The following ARHGAP24 variants were observed in gnomAD, a reference collection of about 807,000 sequenced individuals.
ARHGAP24 encodes rho GTPase-activating protein 24.
Under a neutral mutation model 76.4 loss-of-function variants are expected in ARHGAP24, and 50 were observed. The ratio of observed to expected loss-of-function variants is 0.65; its 90% CI spans 0.52 to 0.83. ARHGAP24 has a LOEUF of 0.83. Among genes scored for constraint, ARHGAP24 ranks in the 40% least tolerant of loss-of-function variants. The pLI is 0.00. For missense variants in ARHGAP24, 930 were observed against 914.2 expected (o/e 1.02, Z -0.22); for synonymous variants, 345 against 323.3 (o/e 1.07, Z -0.72).
At chr4:85,609,872 A>G (rs899967871) in intron 2 of ARHGAP24, among the ~76,000 whole-genome samples, 3 of 152,238 alleles carry the variant, frequency 2.0e-5, no homozygotes, top group African/African-American at 7.2e-5. Context: ...ACTTTGAAAT[A>G]TATGATGAAA....
intron 3 of ARHGAP24, among the ~76,000 whole-genome samples, chr4:85,761,194 G>C (rs2110073069): frequency 6.6e-6 from 1 of 152,246 alleles, no homozygotes; most frequent in South Asian, 2.1e-4. Context: ...GAGATAGCTG[G>C]AGTTCTTCCT....
intron 1 of ARHGAP24, among the ~76,000 whole-genome samples, chr4:85,561,790 T>C (rs1726610396): frequency 6.6e-6 from 1 of 152,162 alleles, no homozygotes; most frequent in African/African-American, 2.4e-5. Context: ...CTCTGCTCAA[T>C]ACACTGGTTA....
At chr4:85,713,968 C>G (rs185709520) in intron 2 of ARHGAP24, among the ~76,000 whole-genome samples, 1 of 152,262 alleles carries the variant, frequency 6.6e-6, no homozygotes, top group Admixed American at 6.5e-5. Flanking sequence ...TTCTAGGTCT[C>G]TTACAATTTT....
chr4:85,978,542 G>A (rs1739466342), intron 8 of ARHGAP24, among the ~76,000 whole-genome samples: 1 of 151,982 alleles, frequency 6.6e-6, no homozygotes, highest in African/African-American at 2.4e-5. Flanking sequence ...TCAGATTTTT[G>A]GCAATGAGAT....
At chr4:85,511,708 AC>A (rs567561417) in intron 1 of ARHGAP24, among the ~76,000 whole-genome samples, 189 of 151,700 alleles carry the variant, frequency 1.2e-3, no homozygotes, top group African/African-American at 3.7e-3. Context: ...CAGGTGATCC[AC>A]CCGCCTCGGC....
chr4:85,682,641 A>G (rs965708707), intron 2 of ARHGAP24, among the ~76,000 whole-genome samples: 1 of 152,236 alleles, frequency 6.6e-6, no homozygotes, highest in Non-Finnish European at 1.5e-5. Context: ...AAAAGATCAT[A>G]GTTAAAGTTG....
At chr4:85,855,959 TA>T (rs1731534532) in intron 3 of ARHGAP24, among the ~76,000 whole-genome samples, 2 of 152,284 alleles carry the variant, frequency 1.3e-5, no homozygotes, top group African/African-American at 4.8e-5. Context: ...CTATTATGGC[TA>T]AAACTACTAT....
intron 3 of ARHGAP24, among the ~76,000 whole-genome samples, chr4:85,850,225 T>C (rs145817739): frequency 0.057 from 8,705 of 152,254 alleles, 512 homozygotes; most frequent in South Asian, 0.25. Context: ...GATTTTCTAG[T>C]TTATTTGCGT....
intron 3 of ARHGAP24, among the ~76,000 whole-genome samples, chr4:85,830,119 C>T (rs1343938506): frequency 6.6e-6 from 1 of 152,236 alleles, no homozygotes; most frequent in East Asian, 1.9e-4. Flanking sequence ...CTTAAACTCC[C>T]TAACACATTG....
intron 2 of ARHGAP24, among the ~76,000 whole-genome samples, chr4:85,688,055 C>T (rs192904466): frequency 2.0e-5 from 3 of 152,200 alleles, no homozygotes; most frequent in East Asian, 3.9e-4. Flanking sequence ...TTAGATAATC[C>T]GCCCGCCTTG....
At chr4:85,577,913 C>T (rs1560539393) in intron 2 of ARHGAP24, among the ~76,000 whole-genome samples, 1 of 151,986 alleles carries the variant, frequency 6.6e-6, no homozygotes, top group Non-Finnish European at 1.5e-5. Context: ...TATTCCCATA[C>T]CTAAGAAAGA....
intron 2 of ARHGAP24, among the ~76,000 whole-genome samples, chr4:85,702,525 A>G (rs1048796274): frequency 1.3e-5 from 2 of 152,206 alleles, no homozygotes; most frequent in Non-Finnish European, 2.9e-5. Flanking sequence ...ACATTAACAT[A>G]TATTCATATT....
intron 5 of ARHGAP24, among the ~76,000 whole-genome samples, chr4:85,950,182 G>C (rs758537911): frequency 6.6e-6 from 1 of 152,112 alleles, no homozygotes; most frequent in African/African-American, 2.4e-5. Context: ...AGCTTAGCTT[G>C]CTTGAAGAAC....
chr4:85,768,204 C>G (rs911953627), intron 3 of ARHGAP24, among the ~76,000 whole-genome samples: 1 of 151,914 alleles, frequency 6.6e-6, no homozygotes. Context: ...AATAGCATGG[C>G]AAGTAACAGT....
chr4:85,488,749 A>G (rs1341356051), intron 1 of ARHGAP24, among the ~76,000 whole-genome samples: 1 of 152,230 alleles, frequency 6.6e-6, no homozygotes, highest in East Asian at 1.9e-4. Flanking sequence ...CTTTGCAACT[A>G]GAAGGGTACT....
intron 3 of ARHGAP24, among the ~76,000 whole-genome samples, chr4:85,836,633 C>A (rs1730305449): frequency 6.6e-6 from 1 of 152,162 alleles, no homozygotes; most frequent in Admixed American, 6.5e-5. Context: ...TTCTGAGATA[C>A]TGGAGGTTAG....
At chr4:85,986,378 A>G (rs1419874012) in intron 8 of ARHGAP24, among the ~76,000 whole-genome samples, 1 of 152,218 alleles carries the variant, frequency 6.6e-6, no homozygotes, top group Non-Finnish European at 1.5e-5. Context: ...ACATTTAACA[A>G]CTAGAAAACC....
chr4:85,593,665 G>A (rs183432629), intron 2 of ARHGAP24, among the ~76,000 whole-genome samples: 1 of 152,166 alleles, frequency 6.6e-6, no homozygotes, highest in East Asian at 1.9e-4. Context: ...TCATTATTTT[G>A]CATATGAATA....
chr4:85,965,663 G>T (rs1370597686), intron 5 of ARHGAP24, among the ~76,000 whole-genome samples: 1 of 152,098 alleles, frequency 6.6e-6, no homozygotes, highest in African/African-American at 2.4e-5. Flanking sequence ...CTGCATGTGA[G>T]AATAAAATAT....
Sources: allele counts gnomAD v4.1 joint callset (sites outside exome capture counted in the v4.1 genomes callset), GRCh38; gene constraint gnomAD v4.1.1; transcripts MANE v1.5; gene names NCBI Gene and HGNC (gene_info 2026-07-23, HGNC 2026-07-21).